Variants in AKAP6 observed in about 807,000 individuals in gnomAD.
AKAP6 encodes A-kinase anchor protein 6.
A neutral mutation model predicts 188.5 loss-of-function variants in AKAP6; 58 were observed. That is an observed-to-expected ratio of 0.31 (90% CI 0.25 to 0.38). The LOEUF (loss-of-function observed/expected upper bound fraction) is 0.38, where lower values mean the gene tolerates loss of function less well. Among genes scored for constraint, AKAP6 ranks in the 10% least tolerant of loss-of-function variants. The pLI, the probability that AKAP6 is intolerant of heterozygous loss-of-function variation, is 1.00. For missense variants in AKAP6, 2,710 were observed against 2,740.0 expected (o/e 0.99, Z 0.24); for synonymous variants, 989 against 998.6 (o/e 0.99, Z 0.18).
At chr14:32,810,553 A>C (rs951139037) in intron 12 of AKAP6, among the ~76,000 whole-genome samples, 2 of 152,138 alleles carry the variant, frequency 1.3e-5, no homozygotes, top group African/African-American at 4.8e-5. Context: ...GGACTCTAGC[A>C]TAGGAATCAG....
chr14:32,686,389 G>A (rs1005787873), intron 8 of AKAP6, among the ~76,000 whole-genome samples: 3 of 151,960 alleles, frequency 2.0e-5, no homozygotes, highest in African/African-American at 7.3e-5. Flanking sequence ...AGCACAACAG[G>A]GGGGCTATAG....
rs200664269 is a variant in AKAP6 at position 32,654,683 on chromosome 14, GAA to G, written c.2731-23613_2731-23612del. Among the ~76,000 whole-genome samples, 685 of 130,362 alleles carry G rather than the reference GAA, an allele frequency of 5.3e-3. 3 individuals are homozygous for G. The highest frequency in any genetic ancestry group is 0.016 in the African/African-American group (578 of 36,054). The allele number at this position is 130,362 out of a possible 152,430, so 85.5% of individuals were successfully genotyped here. A position where few individuals can be genotyped will look rare whatever the true frequency, so the allele number is the denominator to read the frequency against. The stretch of plus-strand genomic sequence containing the variant: ...AACGTGGCAAGACCTTGTCTCTACT[GAA>G]AAAAAAAAAAAAAATTAGCTGGGCA... On this transcript the variant is annotated intron_variant, in intron 7 of 13. Transcript: ENST00000280979.
chr14:32,667,829 T>G (rs182302374), intron 7 of AKAP6, among the ~76,000 whole-genome samples: 33 of 152,284 alleles, frequency 2.2e-4, no homozygotes, highest in Admixed American at 2.0e-3. Context: ...CTTCATTCTT[T>G]TCTCTCTATC....
chr14:32,390,225 T>G (rs889479000), intron 1 of AKAP6, among the ~76,000 whole-genome samples: 1 of 152,138 alleles, frequency 6.6e-6, no homozygotes, highest in Admixed American at 6.5e-5. Flanking sequence ...ATGGTATCTA[T>G]TTTCTTGAAT....
chr14:32,346,173 C>G (rs1887059109), intron 1 of AKAP6, among the ~76,000 whole-genome samples: 1 of 152,142 alleles, frequency 6.6e-6, no homozygotes, highest in Non-Finnish European at 1.5e-5. Context: ...ACAGCTCTTC[C>G]TGGTAAAGGT....
rs2031941570 is a variant in AKAP6 at position 32,747,079 on chromosome 14, C to T, written c.3372+11197C>T. Among the ~76,000 whole-genome samples the T allele has an allele frequency of 3.3e-5, 5 of 152,060 alleles. No homozygotes were observed. In the South Asian group the frequency reaches 8.3e-4, roughly 25 times the overall value. On this transcript the variant is annotated intron_variant, in intron 11 of 13. Transcript: ENST00000280979. Reference sequence around the variant, plus strand: ...TGCTTTAAGAAATGTTTCCTAAAACCTCAGTGCATAATTTTCAGAAATAAA... The same window carrying T: ...TGCTTTAAGAAATGTTTCCTAAAACTTCAGTGCATAATTTTCAGAAATAAA...
At chr14:32,808,681 G>GT (rs981406793) in intron 12 of AKAP6, among the ~76,000 whole-genome samples, 6 of 151,962 alleles carry the variant, frequency 3.9e-5, no homozygotes, top group East Asian at 1.9e-4. Context: ...CAATTCTTCC[G>GT]TTTTTTTTCT....
intron 2 of AKAP6, chr14:32,442,631 C>T (rs998435943): frequency 1.7e-5 from 2 of 116,098 alleles, no homozygotes; most frequent in Non-Finnish European, 3.5e-5. Flanking sequence ...ATAGCAAGAT[C>T]CCGTCTCTTA....
intron 1 of AKAP6, among the ~76,000 whole-genome samples, chr14:32,370,769 C>A (rs1250527492): frequency 6.6e-6 from 1 of 152,114 alleles, no homozygotes; most frequent in African/African-American, 2.4e-5. Flanking sequence ...GATTAAAGAT[C>A]TTTTTGGGGT....
chr14:32,729,837 G>T (rs963157996), intron 9 of AKAP6, among the ~76,000 whole-genome samples: 2 of 152,140 alleles, frequency 1.3e-5, no homozygotes, highest in Non-Finnish European at 1.5e-5. Flanking sequence ...TTGAAGAGTA[G>T]TCTATATCAT....
At chr14:32,661,023 C>T (rs1461564168) in intron 7 of AKAP6, among the ~76,000 whole-genome samples, 3 of 145,702 alleles carry the variant, frequency 2.1e-5, no homozygotes, top group African/African-American at 7.5e-5. Flanking sequence ...TTTTCATGAC[C>T]TCTCTATCTT....
intron 9 of AKAP6, among the ~76,000 whole-genome samples, chr14:32,701,430 T>A (rs1208699386): frequency 2.0e-5 from 3 of 152,100 alleles, no homozygotes; most frequent in African/African-American, 7.2e-5. Flanking sequence ...AATACTTCCT[T>A]TGAAGAAATT....
intron 2 of AKAP6, chr14:32,438,962 G>C (rs1447099846): frequency 1.3e-5 from 2 of 152,218 alleles, no homozygotes; most frequent in Non-Finnish European, 2.9e-5. Flanking sequence ...AGCTAGCATA[G>C]GCTAAATGAT....
At chr14:32,549,867 T>C (rs1279283760) in intron 4 of AKAP6, among the ~76,000 whole-genome samples, 1 of 152,098 alleles carries the variant, frequency 6.6e-6, no homozygotes, top group Non-Finnish European at 1.5e-5. Flanking sequence ...TCCAGAAGGG[T>C]TAATTGGCAA....
At chr14:32,478,848 C>T (rs1231076324) in intron 2 of AKAP6, among the ~76,000 whole-genome samples, 1 of 152,126 alleles carries the variant, frequency 6.6e-6, no homozygotes, top group Non-Finnish European at 1.5e-5. Flanking sequence ...AACAGGATCC[C>T]TTGGTATAAT....
At chr14:32,626,830 G>A (rs1887046449) in intron 7 of AKAP6, among the ~76,000 whole-genome samples, 1 of 152,104 alleles carries the variant, frequency 6.6e-6, no homozygotes, top group South Asian at 2.1e-4. Context: ...ATGTTCACTA[G>A]ATTATAAGCT....
intron 1 of AKAP6, among the ~76,000 whole-genome samples, chr14:32,352,100 TGTTTGTGTGTGTGTGTGTGTG>T (rs1566458685): frequency 8.6e-6 from 1 of 116,716 alleles, no homozygotes; most frequent in Non-Finnish European, 1.7e-5. Context: ...TGTGTGTGTG[TGTTTGTGTGTGTGTGTGTGTG>T]TGTGTGTGTG....
At chr14:32,743,793 A>G (rs1054577814) in intron 11 of AKAP6, among the ~76,000 whole-genome samples, 2 of 152,134 alleles carry the variant, frequency 1.3e-5, no homozygotes, top group African/African-American at 4.8e-5. Context: ...TAGTCTTTCT[A>G]TTAGGATATG....
At chr14:32,372,604 G>A (rs1006735882) in intron 1 of AKAP6, among the ~76,000 whole-genome samples, 1 of 150,748 alleles carries the variant, frequency 6.6e-6, no homozygotes, top group African/African-American at 2.4e-5. Flanking sequence ...ACAAAGTAGA[G>A]GAACTGGCAA....
Sources: gnomAD v4.1 joint callset for allele counts (sites outside exome capture counted in the v4.1 genomes callset) on GRCh38, gnomAD v4.1.1 for gene constraint, MANE v1.5 for transcripts, NCBI Gene and HGNC (gene_info 2026-07-23, HGNC 2026-07-21) for gene names.